ZMAT1: variants seen among roughly 807,000 people sequenced by gnomAD.
ZMAT1 encodes zinc finger matrin-type 1, also known as zinc finger matrin-type protein 1.
In ZMAT1, 11 loss-of-function variants were observed where a neutral mutation model predicts 18.5. That is an observed-to-expected ratio of 0.59 (90% CI 0.37 to 0.98). The LOEUF (loss-of-function observed/expected upper bound fraction) is 0.98. Ranked by LOEUF, ZMAT1 falls within the 50% of genes least tolerant of loss-of-function variation. The pLI is 0.01. For missense variants in ZMAT1, 525 were observed against 496.2 expected (o/e 1.06, Z -0.55); for synonymous variants, 211 against 176.4 (o/e 1.20, Z -1.55).
intron 1 of ZMAT1, among the ~76,000 whole-genome samples, chrX:101,923,112 G>T (rs1292328272): frequency 8.9e-6 from 1 of 111,871 alleles, no homozygotes; most frequent in African/African-American, 3.3e-5. Context: ...GAAGAAACTT[G>T]GGGGCATCTT....
chrX:101,899,882 T>C (rs1416845064), intron 2 of ZMAT1, among the ~76,000 whole-genome samples: 1 of 112,250 alleles, frequency 8.9e-6, no homozygotes, highest in Admixed American at 9.4e-5. Flanking sequence ...ATCTCCACAA[T>C]GTTTTCCATA....
intron 1 of ZMAT1, among the ~76,000 whole-genome samples, chrX:101,907,650 A>G (rs1928705229): frequency 8.9e-6 from 1 of 112,338 alleles, no homozygotes; most frequent in African/African-American, 3.2e-5. Flanking sequence ...ATGAACTTCA[A>G]AAAAATAGAG....
At chrX:101,908,330 A>G (rs1004643797) in intron 1 of ZMAT1, among the ~76,000 whole-genome samples, 1 of 111,873 alleles carries the variant, frequency 8.9e-6, no homozygotes, top group African/African-American at 3.2e-5. Flanking sequence ...ATAAGTAAAT[A>G]TAGAAGGCAA....
At chrX:101,908,886 G>A (rs978104352) in intron 1 of ZMAT1, among the ~76,000 whole-genome samples, 1 of 110,953 alleles carries the variant, frequency 9.0e-6, no homozygotes. Context: ...CAGAGACAGT[G>A]GACTGGGGTG....
intron 2 of ZMAT1, among the ~76,000 whole-genome samples, chrX:101,902,522 A>C (rs1481851486): frequency 8.9e-6 from 1 of 111,864 alleles, no homozygotes; most frequent in Non-Finnish European, 1.9e-5. Context: ...TAATACAATA[A>C]AACAGGATAA....
At chrX:101,897,084 G>A (rs1263215664) in intron 4 of ZMAT1, among the ~76,000 whole-genome samples, 1 of 109,445 alleles carries the variant, frequency 9.1e-6, no homozygotes, top group Non-Finnish European at 1.9e-5. Flanking sequence ...ACTCATATGA[G>A]ATAATGTTTT....
intron 4 of ZMAT1, chrX:101,887,655 G>C (rs1183846196): frequency 2.7e-5 from 3 of 111,155 alleles, no homozygotes; most frequent in African/African-American, 9.8e-5. Flanking sequence ...TCTGAGCAAA[G>C]ACTATTCATA....
rs558085839 is a variant in ZMAT1, at chrX:101,921,320, G to C, written c.292+10397C>G. Among the ~76,000 whole-genome samples, 5 of 112,002 alleles carry C rather than the reference G, an allele frequency of 4.5e-5. No individual in the cohort carries two copies. The South Asian group carries it at 1.9e-3, about 42-fold the overall frequency. Reference sequence around the variant, plus strand: ...TTGTTTTGTTTCTTAAAGCTTTCCAGGTGATACAACAAGGGTAAGTATAAA... The same window carrying C: ...TTGTTTTGTTTCTTAAAGCTTTCCACGTGATACAACAAGGGTAAGTATAAA... On this transcript the variant is annotated intron_variant, in intron 1 of 5. Transcript: ENST00000651725.
At chrX:101,886,993 C>G (rs1439711161) in intron 4 of ZMAT1, 1 of 210,052 alleles carries the variant, frequency 4.8e-6, no homozygotes, top group Non-Finnish European at 8.5e-6. Context: ...TTAACTTCTT[C>G]CCTAAGAATC....
intron 4 of ZMAT1, 122 bp from the exon 5 acceptor site, chrX:101,886,853 G>T: frequency 2.0e-6 from 1 of 503,081 alleles, no homozygotes; most frequent in Non-Finnish European, 3.2e-6. Flanking sequence ...AATAAAGATG[G>T]GGCCCAGAGA....
chrX:101,910,577 A>T (rs138636256), intron 1 of ZMAT1, among the ~76,000 whole-genome samples: 2,045 of 112,276 alleles, frequency 0.018, 33 homozygotes, highest in African/African-American at 0.063. Flanking sequence ...TAACAAAGAG[A>T]TTGAAATAAT....
intron 4 of ZMAT1, chrX:101,894,921 GA>G (rs906661094): frequency 3.5e-5 from 26 of 733,661 alleles, no homozygotes; most frequent in Middle Eastern, 7.9e-4. Flanking sequence ...GGGGAAAAAT[GA>G]AAAAAAAATA....
In ZMAT1 at chrX:101,883,596, G is replaced by C. The variant is rs1444453069; in HGVS notation, c.2002C>G (p.Arg668Gly). The C allele has an allele frequency of 1.7e-6, 2 of 1,203,497 alleles. No homozygotes were observed. Among genetic ancestry groups the C allele is most frequent in the East Asian group, 3.0e-5 (1 of 33,628 alleles). Residue 668 changes from arginine (R) to glycine (G), a missense_variant, in exon 6 of 6, where the codon CGT becomes GGT. Coordinates refer to ENST00000651725, the MANE Select transcript of ZMAT1 (RefSeq NM_001394560.1). ...SHDVPSEKEE[R>G]KHRKEKKKSV... ...TTCTTTTTCTCTTTCCTGTGCTTAC[G>C]TTCTTCTTTCTCGGAGGGTACATCA... is the stretch of plus-strand genomic sequence containing the variant.
At chrX:101,931,363 TCCAAATCACACCTCAGCTTC>T (rs1930467834) in intron 1 of ZMAT1, 9 of 679,833 alleles carry the variant, frequency 1.3e-5, no homozygotes, top group Non-Finnish European at 1.6e-5. Context: ...TCCTCTCTCT[TCCAAATCACACCTCAGCTTC>T]CTACAGCACA....
chrX:101,925,469 AAAAT>A (rs1354916972), intron 1 of ZMAT1, among the ~76,000 whole-genome samples: 1 of 112,215 alleles, frequency 8.9e-6, no homozygotes. Flanking sequence ...ATGTTGGAAA[AAAAT>A]AAATAAGATT....
chrX:101,884,110 C>T lies in ZMAT1; in HGVS notation c.1488G>A (p.Met496Ile), dbSNP rs771282199. 1.7e-6 allele frequency: 2 copies of T among 1,207,848 alleles called. No homozygotes were observed. Among genetic ancestry groups the T allele is most frequent in the South Asian group, 1.8e-5 (1 of 56,809 alleles). ...TCTCACATGGGAGCTTTTGCTCCAA[C>T]ATTCTATGTCTGGGTCTGACATCAA... Reference protein sequence around the residue: ...EMVDVRPRHRMLEQKLPCETF... With the variant: ...EMVDVRPRHRILEQKLPCETF... The change falls in exon 6 of 6, where the codon ATG becomes ATA. Residue 496 changes from methionine (M) to isoleucine (I), a missense_variant. By Grantham distance (10) the Met-to-Ile change is conservative (BLOSUM62 1). Coordinates refer to ENST00000651725, the MANE Select transcript of ZMAT1 (RefSeq NM_001394560.1).
intron 1 of ZMAT1, among the ~76,000 whole-genome samples, chrX:101,929,423 T>TTTTA (rs1420404820): frequency 1.4e-5 from 1 of 71,306 alleles, no homozygotes; most frequent in African/African-American, 4.7e-5. Flanking sequence ...TAGAGAGAGA[T>TTTTA]TATATATATA....
Position 101,884,102 on chromosome X carries a change from T to G in ZMAT1, c.1496A>C (p.Gln499Pro). The change falls in exon 6 of 6, where the codon CAA becomes CCA. Residue 499 changes from glutamine (Q) to proline (P), a missense_variant. Coordinates refer to ENST00000651725, the MANE Select transcript of ZMAT1 (RefSeq NM_001394560.1). ...DVRPRHRMLE[Q>P]KLPCETFQTY... Reference sequence around the variant, plus strand: ...CTGGAAAGTCTCACATGGGAGCTTTTGCTCCAACATTCTATGTCTGGGTCT... The same window carrying G: ...CTGGAAAGTCTCACATGGGAGCTTTGGCTCCAACATTCTATGTCTGGGTCT... 8.3e-7 allele frequency: 1 copy of G among 1,209,452 alleles called. No individual in the cohort carries two copies. The highest frequency in any genetic ancestry group is 1.1e-6 in the Non-Finnish European group (1 of 894,962).
intron 1 of ZMAT1, among the ~76,000 whole-genome samples, chrX:101,929,271 A>G (rs1361976455): frequency 1.8e-5 from 2 of 108,852 alleles, no homozygotes; most frequent in Non-Finnish European, 3.8e-5. Flanking sequence ...ATTCTTTGAC[A>G]TCTTTTAGGG....
Sources: allele counts gnomAD v4.1 joint callset (sites outside exome capture counted in the v4.1 genomes callset), GRCh38; gene constraint gnomAD v4.1.1; transcripts MANE v1.5; gene names NCBI Gene and HGNC (gene_info 2026-07-23, HGNC 2026-07-21).